BNC2: variants seen among roughly 807,000 people sequenced by gnomAD.
BNC2 encodes zinc finger protein basonuclin-2.
BNC2 carries 20 observed loss-of-function variants against 76.3 expected under a neutral mutation model. The observed-to-expected ratio is 0.26, with a 90% confidence interval of 0.18 to 0.38. BNC2 has a LOEUF of 0.38. Ranked by LOEUF, BNC2 falls within the 10% of genes least tolerant of loss-of-function variation. The probability of loss-of-function intolerance (pLI) is 1.00; values close to 1 mark genes in which losing one functional copy is unlikely to be tolerated. For synonymous variants in BNC2, 582 were observed against 514.8 expected (o/e 1.13, Z -1.77); for missense variants, 1,382 against 1,399.8 (o/e 0.99, Z 0.20).
chr9:16,716,959 T>C (rs2134807143), intron 3 of BNC2, among the ~76,000 whole-genome samples: 1 of 152,282 alleles, frequency 6.6e-6, no homozygotes, highest in South Asian at 2.1e-4. Flanking sequence ...CACAAAATCA[T>C]AATGATCATA....
intron 3 of BNC2, among the ~76,000 whole-genome samples, chr9:16,706,523 G>C (rs1381435102): frequency 6.6e-6 from 1 of 152,104 alleles, no homozygotes; most frequent in African/African-American, 2.4e-5. Flanking sequence ...TCATCTAAGA[G>C]AATACCCTAA....
intron 3 of BNC2, among the ~76,000 whole-genome samples, chr9:16,627,628 T>C (rs557822460): frequency 8.4e-4 from 128 of 152,298 alleles, no homozygotes; most frequent in African/African-American, 3.0e-3. Flanking sequence ...TGCTTGATCA[T>C]GTGTAGACAA....
Position 16,728,233 on chromosome 9 carries a change from C to A in BNC2, c.130-236G>T, listed in dbSNP as rs962698228. On this transcript the variant is annotated intron_variant, in intron 2 of 6. Transcript: ENST00000380672. ...AACAGCTGCCTGTCAGGTGTGCAGG[C>A]GGCACTGGAGACCCAACCATCAGCT... The A allele has an allele frequency of 8.5e-6, 5 of 585,628 alleles. No individual in the cohort carries two copies. The African/African-American group carries it at 9.3e-5, about 11-fold the overall frequency. 36.3% of individuals were successfully genotyped at this position (585,628 alleles called of 1,614,324 possible).
chr9:16,468,540 C>T (rs111967800), intron 5 of BNC2, among the ~76,000 whole-genome samples: 73 of 151,980 alleles, frequency 4.8e-4, no homozygotes, highest in Non-Finnish European at 5.9e-4. Flanking sequence ...GGACTACAGG[C>T]GTGCACCACC....
chr9:16,804,987 G>A (rs973754929), intron 1 of BNC2, among the ~76,000 whole-genome samples: 8 of 152,120 alleles, frequency 5.3e-5, no homozygotes, highest in Admixed American at 2.6e-4. Flanking sequence ...TCTTGAACTC[G>A]GGAGGTGGAG....
intron 3 of BNC2, among the ~76,000 whole-genome samples, chr9:16,679,485 T>A (rs1822758919): frequency 6.6e-6 from 1 of 152,236 alleles, no homozygotes. Context: ...CACATGTGCA[T>A]GGCAAATGGA....
chr9:16,825,053 T>TC (rs1818421319), intron 1 of BNC2, among the ~76,000 whole-genome samples: 1 of 151,640 alleles, frequency 6.6e-6, no homozygotes, highest in African/African-American at 2.4e-5. Context: ...TCTTTTTTTT[T>TC]TCTTTCTGTA....
chr9:16,691,374 T>G (rs112344621), intron 3 of BNC2, among the ~76,000 whole-genome samples: 1 of 152,282 alleles, frequency 6.6e-6, no homozygotes, highest in African/African-American at 2.4e-5. Flanking sequence ...CGCTAGTGCT[T>G]TACTCGAAAA....
intron 1 of BNC2, among the ~76,000 whole-genome samples, chr9:16,828,966 G>A (rs2136003576): frequency 6.6e-6 from 1 of 152,204 alleles, no homozygotes; most frequent in South Asian, 2.1e-4. Flanking sequence ...TGGGGCGCGG[G>A]GGAGAGGCCG....
At chr9:16,439,932 A>G (rs1363167256) in intron 5 of BNC2, among the ~76,000 whole-genome samples, 2 of 152,240 alleles carry the variant, frequency 1.3e-5, no homozygotes, top group African/African-American at 4.8e-5. Flanking sequence ...CAGAAGAGTC[A>G]CATAAGGGTG....
At chr9:16,573,361 A>G (rs1005863351) in intron 4 of BNC2, among the ~76,000 whole-genome samples, 2 of 152,246 alleles carry the variant, frequency 1.3e-5, no homozygotes, top group Middle Eastern at 3.2e-3. Context: ...AATCAAAAAT[A>G]TATGGAAGAA....
chr9:16,554,125 C>T (rs1049851207), intron 4 of BNC2, among the ~76,000 whole-genome samples: 2 of 152,176 alleles, frequency 1.3e-5, no homozygotes, highest in African/African-American at 4.8e-5. Flanking sequence ...TACAGTGTGG[C>T]CTTTCTCAGC....
intron 1 of BNC2, among the ~76,000 whole-genome samples, chr9:16,776,663 A>C (rs1586874554): frequency 6.6e-6 from 1 of 152,250 alleles, no homozygotes; most frequent in East Asian, 1.9e-4. Context: ...TAATTCTGTT[A>C]TGTGAAAGAA....
At position 16,839,466 on chromosome 9, in the gene BNC2, T is replaced by C. The variant is rs138957323; in HGVS notation, c.3+31180A>G. Among the ~76,000 whole-genome samples the C allele has an allele frequency of 3.0e-3, 461 of 152,316 alleles. 2 individuals are homozygous for C. Among genetic ancestry groups the C allele is most frequent in the African/African-American group, 9.6e-3 (399 of 41,558 alleles). On this transcript the variant is annotated intron_variant, in intron 1 of 6. Transcript: ENST00000380672. Reference sequence around the variant, plus strand: ...GAAATAAAATGCCCTATACCAAATATTAAGCAATGATAAACATTTAATTAA... The same window carrying C: ...GAAATAAAATGCCCTATACCAAATACTAAGCAATGATAAACATTTAATTAA...
At chr9:16,850,972 G>A (rs930454926) in intron 1 of BNC2, among the ~76,000 whole-genome samples, 5 of 151,954 alleles carry the variant, frequency 3.3e-5, no homozygotes, top group Non-Finnish European at 7.4e-5. Context: ...TGAAATCAAT[G>A]TAAAATGAAG....
intron 1 of BNC2, among the ~76,000 whole-genome samples, chr9:16,792,722 G>A (rs73649031): frequency 0.016 from 2,493 of 152,208 alleles, 65 homozygotes; most frequent in African/African-American, 0.057. Context: ...TATCATAAGC[G>A]TATAAAAAAG....
intron 3 of BNC2, among the ~76,000 whole-genome samples, chr9:16,711,877 C>T (rs767062948): frequency 1.3e-5 from 2 of 152,144 alleles, no homozygotes; most frequent in Non-Finnish European, 2.9e-5. Flanking sequence ...CGTTTTGAGA[C>T]CAAAGAAGTA....
At chr9:16,567,590 A>T (rs1188240122) in intron 4 of BNC2, among the ~76,000 whole-genome samples, 1 of 152,244 alleles carries the variant, frequency 6.6e-6, no homozygotes, top group Non-Finnish European at 1.5e-5. Flanking sequence ...GGTCACAGAA[A>T]TAAGAACATA....
At chr9:16,431,450 A>G (rs773459720) in intron 6 of BNC2, 1 of 470,364 alleles carries the variant, frequency 2.1e-6, no homozygotes, top group East Asian at 6.9e-5. Flanking sequence ...CTCCCGTATG[A>G]AGACAGCAGG....
Sources: gnomAD v4.1 joint callset for allele counts (sites outside exome capture counted in the v4.1 genomes callset) on GRCh38, gnomAD v4.1.1 for gene constraint, MANE v1.5 for transcripts, NCBI Gene and HGNC (gene_info 2026-07-23, HGNC 2026-07-21) for gene names.